Variants in LOC400499 observed in about 807,000 individuals in gnomAD.
At chr16:11,523,928 A>G in the LOC400499 span, among the ~76,000 whole-genome samples, 4 of 25,782 alleles carry the variant, frequency 1.6e-4, no homozygotes, top group Admixed American at 1.1e-3. Context: ...ACTCCTATCC[A>G]CCCACCCCCA....
the LOC400499 span, among the ~76,000 whole-genome samples, chr16:11,444,815 T>C: frequency 6.6e-6 from 1 of 151,994 alleles, no homozygotes; most frequent in Non-Finnish European, 1.5e-5. Context: ...GGTACGGTGG[T>C]TCACACCTAT....
the LOC400499 span, among the ~76,000 whole-genome samples, chr16:11,504,715 G>A: frequency 6.6e-6 from 1 of 152,090 alleles, no homozygotes. Context: ...TTGCGGTCAG[G>A]AGTTCAAGAC....
chr16:11,514,847 A>T, the LOC400499 span, among the ~76,000 whole-genome samples: 1 of 152,186 alleles, frequency 6.6e-6, no homozygotes, highest in African/African-American at 2.4e-5. Context: ...GTATGAAAAC[A>T]TTTCAAACAG....
chr16:11,509,235 G>A, the LOC400499 span, among the ~76,000 whole-genome samples: 8 of 149,774 alleles, frequency 5.3e-5, no homozygotes, highest in African/African-American at 9.8e-5. Flanking sequence ...CTCCTGCCTC[G>A]GCTTCCTGAG....
chr16:11,526,539 C>T, the LOC400499 span, among the ~76,000 whole-genome samples: 1 of 152,092 alleles, frequency 6.6e-6, no homozygotes, highest in Non-Finnish European at 1.5e-5. Flanking sequence ...TGAAATATGT[C>T]GTAAGTATAA....
At chr16:11,496,827 T>A in the LOC400499 span, among the ~76,000 whole-genome samples, 2 of 152,168 alleles carry the variant, frequency 1.3e-5, no homozygotes, top group Admixed American at 6.6e-5. Context: ...TCTTCACATG[T>A]GCATACACTG....
the LOC400499 span, chr16:11,461,017 T>C: frequency 4.7e-5 from 72 of 1,536,016 alleles, no homozygotes; most frequent in Non-Finnish European, 6.1e-5. Flanking sequence ...GCCCCGTTGC[T>C]GCAGCAGGCC....
At chr16:11,376,511 G>A in the LOC400499 span, among the ~76,000 whole-genome samples, 1 of 152,158 alleles carries the variant, frequency 6.6e-6, no homozygotes, top group African/African-American at 2.4e-5. Context: ...ACATGTGTAA[G>A]AGTTTCTTTC....
At chr16:11,395,690 G>C in the LOC400499 span, among the ~76,000 whole-genome samples, 1 of 152,222 alleles carries the variant, frequency 6.6e-6, no homozygotes, top group East Asian at 1.9e-4. Context: ...AAGGGAGATG[G>C]TATTTGTTCC....
At chr16:11,457,450 G>A in the LOC400499 span, among the ~76,000 whole-genome samples, 3 of 151,870 alleles carry the variant, frequency 2.0e-5, no homozygotes, top group Admixed American at 6.6e-5. Flanking sequence ...AAAATTAGCC[G>A]GGCATGGTGG....
the LOC400499 span, among the ~76,000 whole-genome samples, chr16:11,508,005 T>C: frequency 1.3e-5 from 2 of 152,180 alleles, no homozygotes; most frequent in African/African-American, 4.8e-5. Flanking sequence ...CTGGAACTTG[T>C]AAATTTCCCT....
chr16:11,462,002 T>G, the LOC400499 span: 2 of 955,654 alleles, frequency 2.1e-6, no homozygotes, highest in Non-Finnish European at 2.9e-6. Flanking sequence ...TGCCCTTGGA[T>G]GGGATGTTGA....
chr16:11,437,968 G>A, the LOC400499 span, among the ~76,000 whole-genome samples: 6 of 152,150 alleles, frequency 3.9e-5, no homozygotes, highest in Non-Finnish European at 5.9e-5. Flanking sequence ...TCGGGGGATC[G>A]ATCGCATGCG....
At chr16:11,484,467 C>G in the LOC400499 span, among the ~76,000 whole-genome samples, 1 of 152,054 alleles carries the variant, frequency 6.6e-6, no homozygotes, top group African/African-American at 2.4e-5. Context: ...GTCAATTAGA[C>G]CTCAATAAAT....
the LOC400499 span, among the ~76,000 whole-genome samples, chr16:11,447,639 G>A: frequency 6.6e-6 from 1 of 152,050 alleles, no homozygotes; most frequent in Non-Finnish European, 1.5e-5. Flanking sequence ...TGCACACAGG[G>A]AACTGTTTGA....
At chr16:11,489,131 A>C in the LOC400499 span, among the ~76,000 whole-genome samples, 1 of 152,220 alleles carries the variant, frequency 6.6e-6, no homozygotes, top group South Asian at 2.1e-4. Flanking sequence ...CATGGACTCA[A>C]AAGTCAGACC....
chr16:11,525,104 C>A, the LOC400499 span, among the ~76,000 whole-genome samples: 1 of 151,870 alleles, frequency 6.6e-6, no homozygotes, highest in Admixed American at 6.6e-5. Flanking sequence ...GCCAGCATGG[C>A]GAAACCCCCT....
chr16:11,408,336 C>G, the LOC400499 span, among the ~76,000 whole-genome samples: 13 of 151,950 alleles, frequency 8.6e-5, no homozygotes, highest in Non-Finnish European at 2.9e-5. Flanking sequence ...TAGTGATACC[C>G]CTTGTCAAAA....
At chr16:11,470,694 G>A in the LOC400499 span, 1 of 152,348 alleles carries the variant, frequency 6.6e-6, no homozygotes, top group Non-Finnish European at 1.5e-5. Flanking sequence ...TCCTAGAGAG[G>A]AGGCACAGGA....
Sources: allele counts gnomAD v4.1 joint callset (sites outside exome capture counted in the v4.1 genomes callset), GRCh38; gene constraint gnomAD v4.1.1; transcripts MANE v1.5.